The following TDRD3 variants were observed in gnomAD, a reference collection of about 807,000 sequenced individuals.
TDRD3 encodes the protein tudor domain containing 3, also known as tudor domain-containing protein 3.
TDRD3 carries 45 observed loss-of-function variants against 86.7 expected under a neutral mutation model. The observed-to-expected ratio is 0.52, with a 90% CI of 0.41 to 0.67. The LOEUF (loss-of-function observed/expected upper bound fraction) is 0.67. Among genes scored for constraint, TDRD3 ranks in the 30% least tolerant of loss-of-function variants. TDRD3 has a pLI of 0.00. For synonymous variants in TDRD3, 298 were observed against 301.7 expected, an observed-to-expected ratio of 0.99 and a Z score of 0.13; for missense variants, 814 against 889.0, an observed-to-expected ratio of 0.92 and a Z score of 1.07.
At chr13:60,409,386 C>G (rs566948762) in intron 1 of TDRD3, among the ~76,000 whole-genome samples, 7 of 152,218 alleles carry the variant, frequency 4.6e-5, no homozygotes, top group African/African-American at 1.7e-4. Flanking sequence ...GGTAGAGCCA[C>G]TGACAGCTTG....
At chr13:60,558,212 A>G (rs1958246311) in intron 12 of TDRD3, among the ~76,000 whole-genome samples, 1 of 152,164 alleles carries the variant, frequency 6.6e-6, no homozygotes, top group Non-Finnish European at 1.5e-5. Context: ...CATAAAATAT[A>G]TTGGCCTGTT....
In TDRD3 at chr13:60,528,701, T is replaced by G; in HGVS notation, c.1476T>G (p.Ser492Arg). Residue 492 changes from serine (S) to arginine (R), a missense_variant, in exon 11 of 14, where the codon AGT becomes AGG. Coordinates refer to ENST00000377881, the MANE Select transcript of TDRD3 (RefSeq NM_001146070.2). ...CATATCCTTTAGGTTCTCAGCATAG[T>G]GATGGTGCTTTTAAAAAAAGAGATA... ...DTSYPLGSQH[S>R]DGAFKKRDNS... is the part of the protein sequence containing the mutation. 6.2e-7 allele frequency: 1 copy of G among 1,612,308 alleles called. No homozygotes were observed. Among genetic ancestry groups the G allele is most frequent in the South Asian group, 1.1e-5 (1 of 90,512 alleles).
intron 12 of TDRD3, among the ~76,000 whole-genome samples, chr13:60,541,575 A>G (rs1047220916): frequency 3.7e-4 from 56 of 151,936 alleles, no homozygotes; most frequent in African/African-American, 1.2e-3. Context: ...TAAAGTATGG[A>G]CTTCTGAATA....
chr13:60,438,089 A>C (rs1332093746), intron 1 of TDRD3, among the ~76,000 whole-genome samples: 1 of 152,140 alleles, frequency 6.6e-6, no homozygotes, highest in Non-Finnish European at 1.5e-5. Context: ...TCTTGAGGGC[A>C]GGTGTTTAGT....
chr13:60,540,031 A>C (rs538549075), intron 12 of TDRD3, among the ~76,000 whole-genome samples: 11 of 152,294 alleles, frequency 7.2e-5, no homozygotes, highest in South Asian at 2.1e-4. Context: ...ATTAGTATTT[A>C]GTAAACAATA....
At chr13:60,453,308 A>G (rs967598959) in intron 3 of TDRD3, among the ~76,000 whole-genome samples, 1 of 152,236 alleles carries the variant, frequency 6.6e-6, no homozygotes, top group African/African-American at 2.4e-5. Flanking sequence ...TAAGCCTCAA[A>G]AAGACAGCTT....
intron 1 of TDRD3, among the ~76,000 whole-genome samples, chr13:60,419,633 G>T (rs1954607623): frequency 6.6e-6 from 1 of 152,012 alleles, no homozygotes; most frequent in Non-Finnish European, 1.5e-5. Context: ...GCCTGTTGTG[G>T]GGGCGGGGGG....
intron 12 of TDRD3, among the ~76,000 whole-genome samples, chr13:60,552,327 G>A (rs1958079218): frequency 6.6e-6 from 1 of 152,222 alleles, no homozygotes; most frequent in Non-Finnish European, 1.5e-5. Context: ...AACCTGGCAG[G>A]GCACTCATGA....
chr13:60,550,706 C>A (rs1225734472), intron 12 of TDRD3, among the ~76,000 whole-genome samples: 1 of 151,994 alleles, frequency 6.6e-6, no homozygotes, highest in Non-Finnish European at 1.5e-5. Context: ...GAGCTAGTTT[C>A]GCATTTTGTG....
At chr13:60,405,684 A>AG (rs1954217844) in intron 1 of TDRD3, among the ~76,000 whole-genome samples, 2 of 152,234 alleles carry the variant, frequency 1.3e-5, no homozygotes, top group Admixed American at 1.3e-4. Flanking sequence ...GGAGCTACCT[A>AG]GGGACAGGTC....
At chr13:60,560,740 A>G (rs560897971) in intron 12 of TDRD3, among the ~76,000 whole-genome samples, 11 of 152,338 alleles carry the variant, frequency 7.2e-5, no homozygotes, top group African/African-American at 2.6e-4. Flanking sequence ...CTGTAGAATC[A>G]TAAACAATTT....
chr13:60,562,186 G>A (rs1409948804), intron 12 of TDRD3, among the ~76,000 whole-genome samples: 1 of 151,950 alleles, frequency 6.6e-6, no homozygotes, highest in African/African-American at 2.4e-5. Flanking sequence ...GGTGGTGCGT[G>A]CCTGTAATTC....
intron 10 of TDRD3, among the ~76,000 whole-genome samples, chr13:60,516,618 A>G (rs902010898): frequency 1.3e-5 from 2 of 152,164 alleles, no homozygotes; most frequent in African/African-American, 2.4e-5. Flanking sequence ...ATTAACCTTA[A>G]TTTTCTCATC....
At chr13:60,470,498 A>G (rs1371969598) in intron 5 of TDRD3, among the ~76,000 whole-genome samples, 2 of 151,794 alleles carry the variant, frequency 1.3e-5, no homozygotes, top group Non-Finnish European at 2.9e-5. Flanking sequence ...CAGGGGTTCC[A>G]GTTTTTTACA....
intron 3 of TDRD3, among the ~76,000 whole-genome samples, chr13:60,455,306 A>T (rs961289646): frequency 6.6e-6 from 1 of 152,236 alleles, no homozygotes; most frequent in Non-Finnish European, 1.5e-5. Flanking sequence ...CATAAGTGCT[A>T]TTTAAAGCTT....
chr13:60,541,714 G>GTATTTTTTTTTTTT (rs1259380702), intron 12 of TDRD3, among the ~76,000 whole-genome samples: 1 of 43,010 alleles, frequency 2.3e-5, no homozygotes, highest in African/African-American at 7.6e-5. Flanking sequence ...CTTCAGCATA[G>GTATTTTTTTTTTTT]TCTTTTTTTT....
Position 60,529,122 on chromosome 13 carries a change from C to G in TDRD3, c.1897C>G (p.Pro633Ala), listed in dbSNP as rs1344911983. The stretch of plus-strand genomic sequence containing the variant: ...CAAACGAAGATCTGGGCCAATTAAG[C>G]CAGAAAAAATACTAGAATCATCTAT... ...GPKRRSGPIK[P>A]EKILESSIPM... Residue 633 changes from proline to alanine, a missense_variant, in exon 11 of 14, where the codon CCA becomes GCA. Transcript: ENST00000377881. The G allele has an allele frequency of 1.2e-6, 2 of 1,613,480 alleles. No homozygotes were observed. The highest frequency in any genetic ancestry group is 1.1e-5 in the South Asian group (1 of 91,006).
At chr13:60,418,273 C>T (rs1357709500) in intron 1 of TDRD3, among the ~76,000 whole-genome samples, 1 of 151,868 alleles carries the variant, frequency 6.6e-6, no homozygotes, top group Admixed American at 6.6e-5. Flanking sequence ...ATTTTTTTCT[C>T]CATTTAAGTT....
chr13:60,432,530 A>C (rs1954979072), intron 1 of TDRD3, among the ~76,000 whole-genome samples: 2 of 152,206 alleles, frequency 1.3e-5, no homozygotes, highest in African/African-American at 4.8e-5. Context: ...TAGTATAGTA[A>C]GAGTCTATAA....
Sources: allele counts gnomAD v4.1 joint callset (sites outside exome capture counted in the v4.1 genomes callset), GRCh38; gene constraint gnomAD v4.1.1; transcripts MANE v1.5; gene names NCBI Gene and HGNC (gene_info 2026-07-23, HGNC 2026-07-21).